The following CHMP5 variants were observed in gnomAD, a reference collection of about 807,000 sequenced individuals.
The protein encoded by CHMP5 is SNF7 domain containing 2.
CHMP5 carries 17 observed loss-of-function variants against 33.0 expected under a neutral mutation model. The ratio of observed to expected loss-of-function variants is 0.52; its 90% CI spans 0.35 to 0.77. The LOEUF is 0.77. Among genes scored for constraint, CHMP5 ranks in the 30% least tolerant of loss-of-function variants. The pLI is 0.01. For missense variants in CHMP5, 216 were observed against 261.5 expected (o/e 0.83, Z 1.20); for synonymous variants, 76 against 90.2 (o/e 0.84, Z 0.89).
chr9:33,274,457 T>A (rs12336115), intron 5 of CHMP5, among the ~76,000 whole-genome samples: 4,833 of 152,304 alleles, frequency 0.032, 224 homozygotes, highest in African/African-American at 0.11. Flanking sequence ...TCAACACTAG[T>A]TCTGTTCCTG....
intron 1 of CHMP5, 122 bp from the exon 2 acceptor site, chr9:33,265,888 C>T (rs138735863): frequency 1.9e-5 from 11 of 575,714 alleles, no homozygotes; most frequent in Non-Finnish European, 2.5e-5. Flanking sequence ...TTGTGAACCA[C>T]TGTTTTTCAC....
intron 2 of CHMP5, among the ~76,000 whole-genome samples, chr9:33,266,413 A>C (rs1820725174): frequency 6.6e-6 from 1 of 152,222 alleles, no homozygotes; most frequent in Non-Finnish European, 1.5e-5. Context: ...CGGAGGTTGC[A>C]GTGAGCAGAG....
rs1434297852 is a variant in CHMP5, at chr9:33,281,971, A to G, written c.*1112A>G. 1 of 152,206 alleles carries G rather than the reference A, an allele frequency of 6.6e-6. No homozygotes were observed. The highest frequency in any genetic ancestry group is 2.4e-5 in the African/African-American group (1 of 41,450). The allele number at this position is 152,206 out of a possible 1,614,324, so 9.4% of individuals were successfully genotyped here. On this transcript the variant is annotated 3_prime_UTR_variant, in exon 8 of 8. Coordinates refer to ENST00000223500, the MANE Select transcript of CHMP5 (RefSeq NM_016410.6). ...CCCTTCCTCATTCAACTTGTTGCCA[A>G]CAGCATGGCCCCTCCAGCCTAGCTG...
At chr9:33,280,009 G>A (rs113252468) in intron 7 of CHMP5, among the ~76,000 whole-genome samples, 3,414 of 151,720 alleles carry the variant, frequency 0.023, 151 homozygotes, top group African/African-American at 0.078. Flanking sequence ...ATGGAGTCCC[G>A]CTGTGTCACC....
chr9:33,273,375 G>A (rs1820817495), intron 5 of CHMP5, among the ~76,000 whole-genome samples: 1 of 151,980 alleles, frequency 6.6e-6, no homozygotes, highest in African/African-American at 2.4e-5. Flanking sequence ...CTATTTAATA[G>A]GAACAAAAGA....
chr9:33,275,667 G>C (rs1820845284), intron 5 of CHMP5, among the ~76,000 whole-genome samples: 1 of 152,142 alleles, frequency 6.6e-6, no homozygotes, highest in African/African-American at 2.4e-5. Flanking sequence ...GTAGACAGCT[G>C]ACAATCATCT....
Position 33,276,434 on chromosome 9 carries a change from CCT to C in CHMP5, c.388-18_388-17del. On this transcript the variant is annotated intron_variant, in intron 5 of 7. Coordinates refer to ENST00000223500, the MANE Select transcript of CHMP5 (RefSeq NM_016410.6). ...AAGAAAATGGTAAATGAGAGAAAAT[CCT>C]CTCATATATATTTCCGTAGGATTTA... is the stretch of plus-strand genomic sequence containing the variant. 7.6e-7 allele frequency: 1 copy of C among 1,314,624 alleles called. No individual in the cohort carries two copies. Among genetic ancestry groups the C allele is most frequent in the Non-Finnish European group, 1.1e-6 (1 of 919,248 alleles). The allele number at this position is 1,314,624 out of a possible 1,614,324, so 81.4% of individuals were successfully genotyped here.
intron 6 of CHMP5, 146 bp downstream of exon 6, chr9:33,276,710 T>C (rs1349365154): frequency 8.4e-6 from 5 of 591,860 alleles, no homozygotes; most frequent in Non-Finnish European, 1.2e-5. Flanking sequence ...AAAGAGCTTG[T>C]GAGGCAGCCA....
chr9:33,280,502 C>T (rs1246568727), intron 7 of CHMP5, among the ~76,000 whole-genome samples: 2 of 152,214 alleles, frequency 1.3e-5, no homozygotes, highest in African/African-American at 4.8e-5. Context: ...ACTCCTCAAC[C>T]TTTCCTTTTT....
Position 33,270,643 on chromosome 9 carries a change from A to G in CHMP5, c.242A>G (p.Asn81Ser), listed in dbSNP as rs756851402. Residue 81 changes from asparagine (N) to serine (S), a missense_variant, in exon 4 of 8, where the codon AAT (asparagine) becomes AGT (serine). Physicochemically the swap from Asn to Ser is conservative, Grantham distance 46. Transcript: ENST00000223500. ...AAAAGGTATGAGCAGCAGCGGGACAATCTTGCCCAACAGTCATTCAACATG... is the reference window on the plus strand; with the variant it reads ...AAAAGGTATGAGCAGCAGCGGGACAGTCTTGCCCAACAGTCATTCAACATG... The part of the protein sequence containing the change: ...QKRMYEQQRD[N>S]LAQQSFNMEQ... 14 of 1,614,140 alleles carry G rather than the reference A, an allele frequency of 8.7e-6. No individual in the cohort carries two copies. The highest frequency in any genetic ancestry group is 1.2e-5 in the Non-Finnish European group (14 of 1,179,994).
intron 5 of CHMP5, among the ~76,000 whole-genome samples, chr9:33,272,705 G>A (rs2118030620): frequency 6.6e-6 from 1 of 152,232 alleles, no homozygotes; most frequent in South Asian, 2.1e-4. Context: ...TCGGGAGGCT[G>A]AGGCAGGAGA....
chr9:33,265,776 A>T (rs1820710299), intron 1 of CHMP5, among the ~76,000 whole-genome samples: 2 of 152,096 alleles, frequency 1.3e-5, no homozygotes, highest in African/African-American at 4.8e-5. Flanking sequence ...TTCTGCCCCA[A>T]CCCACTTGAA....
intron 1 of CHMP5, 119 bp from the exon 2 acceptor site, chr9:33,265,890 GT>G: frequency 3.4e-6 from 2 of 592,742 alleles, no homozygotes; most frequent in Non-Finnish European, 3.0e-6. Flanking sequence ...GTGAACCACT[GT>G]TTTTCACCCT....
intron 3 of CHMP5, among the ~76,000 whole-genome samples, chr9:33,269,840 G>T (rs929558521): frequency 6.6e-6 from 1 of 151,980 alleles, no homozygotes; most frequent in Admixed American, 6.6e-5. Context: ...AAGCGTGGTG[G>T]CGCATGCCTG....
At chr9:33,265,701 T>A (rs998600243) in intron 1 of CHMP5, among the ~76,000 whole-genome samples, 1 of 152,216 alleles carries the variant, frequency 6.6e-6, no homozygotes, top group African/African-American at 2.4e-5. Flanking sequence ...TTGGAGGAAC[T>A]CTCAGCCTGG....
chr9:33,277,097 G>A (rs1820864481), intron 6 of CHMP5, among the ~76,000 whole-genome samples: 1 of 150,812 alleles, frequency 6.6e-6, no homozygotes, highest in African/African-American at 2.4e-5. Flanking sequence ...TCGGGAGGCT[G>A]AGGTGGAAGG....
At position 33,280,818 on chromosome 9, in the gene CHMP5, C is replaced by G; in HGVS notation, c.619C>G (p.Leu207Val). 6.2e-7 allele frequency: 1 copy of G among 1,610,382 alleles called. No individual in the cohort carries two copies. The highest frequency in any genetic ancestry group is 8.5e-7 in the Non-Finnish European group (1 of 1,178,576). Residue 207 changes from leucine (L) to valine (V), a missense_variant, in exon 8 of 8, where the codon CTG becomes GTG. Leu to Val is a conservative substitution (Grantham distance 32). Transcript: ENST00000223500. ...TGCTTCCTTTTTACAGGATGGAGTT[C>G]TGGTGGATGAATTTGGATTGCCACA... ...PTDTKNKDGV[L>V]VDEFGLPQIP...
intron 3 of CHMP5, among the ~76,000 whole-genome samples, chr9:33,268,173 TAGTGTG>T (rs1820751919): frequency 6.6e-6 from 1 of 152,240 alleles, no homozygotes; most frequent in Non-Finnish European, 1.5e-5. Context: ...GAAATGTGGC[TAGTGTG>T]ACTAAGGAAA....
chr9:33,265,409 C>T (rs982165810), intron 1 of CHMP5, among the ~76,000 whole-genome samples: 1 of 152,100 alleles, frequency 6.6e-6, no homozygotes, highest in Non-Finnish European at 1.5e-5. Flanking sequence ...CGTCCACTCG[C>T]TCTCGCCTTG....
Sources: gnomAD v4.1 joint callset for allele counts (sites outside exome capture counted in the v4.1 genomes callset) on GRCh38, gnomAD v4.1.1 for gene constraint, MANE v1.5 for transcripts, NCBI Gene and HGNC (gene_info 2026-07-23, HGNC 2026-07-21) for gene names.